The following KCNQ5 variants were observed in gnomAD, a reference collection of about 807,000 sequenced individuals.
The protein encoded by KCNQ5 is potassium voltage-gated channel subfamily Q member 5, also known as potassium voltage-gated channel subfamily KQT member 5.
A neutral mutation model predicts 98.2 loss-of-function variants in KCNQ5; 30 were observed. The observed-to-expected ratio is 0.31, with a 90% CI of 0.23 to 0.41. The LOEUF (loss-of-function observed/expected upper bound fraction) is 0.41. Ranked by LOEUF, KCNQ5 falls within the 10% of genes least tolerant of loss-of-function variation. The pLI is 1.00. For missense variants in KCNQ5, 835 were observed against 1,182.5 expected (o/e 0.71, Z 4.31); for synonymous variants, 458 against 449.4 (o/e 1.02, Z -0.24).
chr6:72,718,735 C>T lies in KCNQ5; in HGVS notation c.398+96148C>T, dbSNP rs1312467235. 2.6e-5 allele frequency among the ~76,000 whole-genome samples: 4 copies of T among 152,174 alleles called. No homozygotes were observed. In the South Asian group the frequency reaches 8.3e-4, roughly 32 times the overall value. Reference sequence around the variant, plus strand: ...AAGTGCTGGGATTAGAGGCGTGAGCCACCGCACCCAGCCTCTGCTCCATCT... The same window carrying T: ...AAGTGCTGGGATTAGAGGCGTGAGCTACCGCACCCAGCCTCTGCTCCATCT... On this transcript the variant is annotated intron_variant, in intron 1 of 13. Transcript: ENST00000370398.
intron 2 of KCNQ5, among the ~76,000 whole-genome samples, chr6:73,028,575 C>T (rs1476359568): frequency 6.6e-6 from 1 of 152,176 alleles, no homozygotes; most frequent in Non-Finnish European, 1.5e-5. Context: ...CAACTTGACA[C>T]CGCTCTATCA....
At chr6:72,794,663 A>AG (rs1189094654) in intron 1 of KCNQ5, among the ~76,000 whole-genome samples, 4 of 152,200 alleles carry the variant, frequency 2.6e-5, no homozygotes, top group African/African-American at 9.6e-5. Flanking sequence ...AAAAATGCCC[A>AG]GGTAAAGCTA....
chr6:72,781,911 T>C (rs957679575), intron 1 of KCNQ5, among the ~76,000 whole-genome samples: 5 of 152,204 alleles, frequency 3.3e-5, no homozygotes, highest in African/African-American at 1.2e-4. Flanking sequence ...TCTTTTTATA[T>C]CTTATTTGAA....
intron 1 of KCNQ5, among the ~76,000 whole-genome samples, chr6:72,750,447 T>C: frequency 6.6e-6 from 1 of 152,046 alleles, no homozygotes; most frequent in East Asian, 1.9e-4. Flanking sequence ...TAATAAATTA[T>C]CAAGGTACTT....
chr6:72,758,853 G>C (rs1454939932), intron 1 of KCNQ5, among the ~76,000 whole-genome samples: 1 of 152,068 alleles, frequency 6.6e-6, no homozygotes, highest in African/African-American at 2.4e-5. Context: ...TGACCTGCTA[G>C]GTCCTGTCCA....
At chr6:72,700,285 A>G (rs964572040) in intron 1 of KCNQ5, among the ~76,000 whole-genome samples, 1 of 139,652 alleles carries the variant, frequency 7.2e-6, no homozygotes, top group Admixed American at 7.3e-5. Context: ...GCCAATCTAT[A>G]TATCTATATC....
chr6:72,998,686 A>C (rs1010944078), intron 1 of KCNQ5, among the ~76,000 whole-genome samples: 1 of 151,926 alleles, frequency 6.6e-6, no homozygotes, highest in African/African-American at 2.4e-5. Context: ...GCAGTAGGTC[A>C]AGATCACGCC....
At chr6:72,669,332 C>T (rs1766981816) in intron 1 of KCNQ5, among the ~76,000 whole-genome samples, 1 of 152,110 alleles carries the variant, frequency 6.6e-6, no homozygotes, top group African/African-American at 2.4e-5. Flanking sequence ...TGATGGATCC[C>T]GAACAAGTCA....
intron 1 of KCNQ5, among the ~76,000 whole-genome samples, chr6:72,889,775 A>G (rs1429712126): frequency 6.6e-6 from 1 of 152,220 alleles, no homozygotes; most frequent in Non-Finnish European, 1.5e-5. Context: ...CTCTGATTTG[A>G]TCATTAGACA....
At chr6:73,142,705 C>G (rs981643551) in intron 10 of KCNQ5, among the ~76,000 whole-genome samples, 11 of 152,106 alleles carry the variant, frequency 7.2e-5, no homozygotes, top group African/African-American at 2.7e-4. Context: ...CACCTGAGGT[C>G]AGGAGTTCGA....
At chr6:72,818,072 T>A (rs1582349054) in intron 1 of KCNQ5, among the ~76,000 whole-genome samples, 2 of 152,242 alleles carry the variant, frequency 1.3e-5, no homozygotes, top group East Asian at 1.9e-4. Flanking sequence ...GTTAATTTTT[T>A]AAAAAATCGA....
At chr6:72,875,529 C>G (rs1377675451) in intron 1 of KCNQ5, among the ~76,000 whole-genome samples, 2 of 152,164 alleles carry the variant, frequency 1.3e-5, no homozygotes, top group Non-Finnish European at 2.9e-5. Context: ...CAAGTTGTCA[C>G]TGTTTGTTAA....
rs115449573 is a variant in KCNQ5 at position 72,789,305 on chromosome 6, C to T, written c.398+166718C>T. 4.3e-3 allele frequency among the ~76,000 whole-genome samples: 649 copies of T among 152,168 alleles called. 5 individuals are homozygous for T. Among genetic ancestry groups the T allele is most frequent in the Middle Eastern group, 0.017 (5 of 294 alleles). On this transcript the variant is annotated intron_variant, in intron 1 of 13. Transcript: ENST00000370398. ...CTGAGTAGCTGAGATCACAGGAGCCCGCCACCACACCTGGCTAATCCACCC... is the reference window on the plus strand; with the variant it reads ...CTGAGTAGCTGAGATCACAGGAGCCTGCCACCACACCTGGCTAATCCACCC...
chr6:72,897,320 C>CT (rs1779293188), intron 1 of KCNQ5, among the ~76,000 whole-genome samples: 1 of 152,048 alleles, frequency 6.6e-6, no homozygotes, highest in Non-Finnish European at 1.5e-5. Context: ...GCGGGTAGAT[C>CT]ACTTGAGGTC....
At chr6:72,872,773 A>G (rs986226710) in intron 1 of KCNQ5, among the ~76,000 whole-genome samples, 2 of 152,078 alleles carry the variant, frequency 1.3e-5, no homozygotes, top group African/African-American at 2.4e-5. Flanking sequence ...TCATTATTCA[A>G]TGAAGAGTAT....
chr6:72,624,969 A>G (rs2098917322), intron 1 of KCNQ5, among the ~76,000 whole-genome samples: 1 of 152,196 alleles, frequency 6.6e-6, no homozygotes, highest in Admixed American at 6.5e-5. Flanking sequence ...CCAATAAAAT[A>G]ATTTCGAGAG....
chr6:73,055,086 A>G, intron 3 of KCNQ5: 1 of 709,356 alleles, frequency 1.4e-6, no homozygotes, highest in Non-Finnish European at 2.6e-6. Flanking sequence ...CTATCCCCCA[A>G]GCCTGCCACC....
intron 1 of KCNQ5, among the ~76,000 whole-genome samples, chr6:72,832,591 T>A (rs1776329181): frequency 6.6e-6 from 1 of 152,158 alleles, no homozygotes; most frequent in African/African-American, 2.4e-5. Flanking sequence ...GTGTCTTGTT[T>A]AGTCAAGCAA....
chr6:73,188,948 A>G (rs1320695914), intron 11 of KCNQ5, among the ~76,000 whole-genome samples: 1 of 139,356 alleles, frequency 7.2e-6, no homozygotes, highest in South Asian at 2.2e-4. Flanking sequence ...ATGCCATTGC[A>G]CTCCAGCCTG....
Sources: gnomAD v4.1 joint callset for allele counts (sites outside exome capture counted in the v4.1 genomes callset) on GRCh38, gnomAD v4.1.1 for gene constraint, MANE v1.5 for transcripts, NCBI Gene and HGNC (gene_info 2026-07-23, HGNC 2026-07-21) for gene names.